The following CPED1 variants were observed in gnomAD, a reference collection of about 807,000 sequenced individuals.
The protein encoded by CPED1 is cadherin like and PC-esterase domain containing 1, also known as cadherin-like and PC-esterase domain-containing protein 1.
CPED1 carries 114 observed loss-of-function variants against 128.2 expected under a neutral mutation model. The observed-to-expected ratio is 0.89, with a 90% CI of 0.76 to 1.04. CPED1 has a LOEUF of 1.04. Among genes scored for constraint, CPED1 ranks in the 50% least tolerant of loss-of-function variants. CPED1 has a pLI of 0.00. For synonymous variants in CPED1, 462 were observed against 426.7 expected, an observed-to-expected ratio of 1.08 and a Z score of -1.02; for missense variants, 1,211 against 1,207.1, an observed-to-expected ratio of 1.00 and a Z score of -0.05.
chr7:121,196,169 T>C (rs2116546453), intron 16 of CPED1, among the ~76,000 whole-genome samples: 1 of 152,148 alleles, frequency 6.6e-6, no homozygotes, highest in Middle Eastern at 3.4e-3. Context: ...AATTTTGCTA[T>C]TGGCTGCTGG....
chr7:121,102,797 A>G (rs1563026570), intron 7 of CPED1, among the ~76,000 whole-genome samples: 1 of 150,844 alleles, frequency 6.6e-6, no homozygotes, highest in African/African-American at 2.4e-5. Context: ...GCCTCCAACA[A>G]CTCCCCTCCC....
At chr7:121,127,028 A>T in intron 9 of CPED1, 62 bp from the exon 10 acceptor site, 1 of 1,208,990 alleles carries the variant, frequency 8.3e-7, no homozygotes, top group Non-Finnish European at 1.1e-6. Flanking sequence ...TCTTAGAAGT[A>T]ATTCCATTGT....
In CPED1 at chr7:121,142,097, A is replaced by C; in HGVS notation, c.2011A>C (p.Ser671Arg). 2.5e-6 allele frequency: 4 copies of C among 1,612,372 alleles called. No individual in the cohort carries two copies. The highest frequency in any genetic ancestry group is 3.4e-6 in the Non-Finnish European group (4 of 1,178,812). ...CACCATCTATAGAGAAGACCGCCCA[A>C]GTCTGCCCTTGTTTGAGGCCTTCAC... ...KLTIYREDRP[S>R]LPLFEAFTAC... The change falls in exon 16 of 23, where the codon AGT (serine) becomes CGT (arginine). Residue 671 changes from serine to arginine, a missense_variant. Ser to Arg is a moderately radical substitution (Grantham distance 110). Coordinates refer to ENST00000310396, the MANE Select transcript of CPED1 (RefSeq NM_024913.5).
At chr7:121,090,056 C>T (rs1794536639) in intron 5 of CPED1, among the ~76,000 whole-genome samples, 1 of 152,162 alleles carries the variant, frequency 6.6e-6, no homozygotes, top group African/African-American at 2.4e-5. Flanking sequence ...ACTCAAGGTT[C>T]TTATGTGGTC....
At chr7:121,021,928 G>GAACTTGATA (rs1792451391) in intron 3 of CPED1, among the ~76,000 whole-genome samples, 1 of 151,942 alleles carries the variant, frequency 6.6e-6, no homozygotes, top group Admixed American at 6.6e-5. Context: ...TGGGTAAAAT[G>GAACTTGATA]AACTTGATAG....
chr7:121,009,910 C>T (rs1472307498), intron 2 of CPED1, among the ~76,000 whole-genome samples: 4 of 152,026 alleles, frequency 2.6e-5, no homozygotes, highest in African/African-American at 9.7e-5. Context: ...TTTTTTCCAC[C>T]TAATAGTTAA....
intron 3 of CPED1, among the ~76,000 whole-genome samples, chr7:121,038,564 G>A (rs568956024): frequency 6.6e-6 from 1 of 152,076 alleles, no homozygotes; most frequent in African/African-American, 2.4e-5. Flanking sequence ...TCATCATCTT[G>A]TTTCTTCTGG....
chr7:121,061,118 T>C (rs139245668), intron 4 of CPED1: 2,383 of 200,280 alleles, frequency 0.012, 59 homozygotes, highest in African/African-American at 0.054. Flanking sequence ...CTTTAAGAAC[T>C]GTAACACTCA....
chr7:121,155,677 C>G (rs191016456), intron 16 of CPED1, among the ~76,000 whole-genome samples: 2 of 152,100 alleles, frequency 1.3e-5, no homozygotes, highest in South Asian at 4.1e-4. Context: ...TAAAACTAGA[C>G]CCTTATTTCT....
At chr7:121,129,312 CGTATATATAT>C (rs1563037545) in intron 11 of CPED1, among the ~76,000 whole-genome samples, 6 of 13,650 alleles carry the variant, frequency 4.4e-4, no homozygotes, top group Non-Finnish European at 7.2e-4. Context: ...TATATATATA[CGTATATATAT>C]ATATATATAT....
intron 2 of CPED1, among the ~76,000 whole-genome samples, chr7:121,003,724 G>A (rs1160050279): frequency 1.3e-5 from 2 of 152,168 alleles, no homozygotes; most frequent in African/African-American, 4.8e-5. Flanking sequence ...CACCTCTCGA[G>A]GGAAAGCATG....
intron 5 of CPED1, among the ~76,000 whole-genome samples, chr7:121,078,020 C>A (rs191544947): frequency 1.8e-4 from 27 of 151,724 alleles, no homozygotes; most frequent in Admixed American, 1.6e-3. Context: ...TTACTTTTTA[C>A]TTCATACTAC....
At chr7:121,295,027 T>TTTA (rs1792794710) in intron 22 of CPED1, among the ~76,000 whole-genome samples, 1 of 151,920 alleles carries the variant, frequency 6.6e-6, no homozygotes, top group Non-Finnish European at 1.5e-5. Flanking sequence ...TATAGAAGAG[T>TTTA]GCCATGACAT....
chr7:121,172,870 G>A (rs1796686187), intron 16 of CPED1, among the ~76,000 whole-genome samples: 1 of 152,160 alleles, frequency 6.6e-6, no homozygotes, highest in African/African-American at 2.4e-5. Context: ...AGAAGGCTTA[G>A]AAGAATAAGA....
chr7:121,279,692 C>A (rs1264220890), intron 22 of CPED1, among the ~76,000 whole-genome samples: 1 of 152,114 alleles, frequency 6.6e-6, no homozygotes, highest in East Asian at 1.9e-4. Context: ...AATTGGTAGA[C>A]CCCTGAGTTC....
intron 5 of CPED1, chr7:121,076,546 C>T (rs1166249729): frequency 4.6e-5 from 7 of 152,104 alleles, no homozygotes; most frequent in African/African-American, 1.2e-4. Flanking sequence ...CAGGCTGACT[C>T]ATAGTTTTGT....
intron 5 of CPED1, among the ~76,000 whole-genome samples, chr7:121,074,632 C>A (rs1794078284): frequency 6.8e-6 from 1 of 147,856 alleles, no homozygotes; most frequent in Non-Finnish European, 1.5e-5. Flanking sequence ...TCTTAGTTGG[C>A]AGAAAATGCT....
chr7:121,219,868 T>C (rs1413745011), intron 16 of CPED1, among the ~76,000 whole-genome samples: 1 of 152,108 alleles, frequency 6.6e-6, no homozygotes, highest in African/African-American at 2.4e-5. Context: ...TTATCAATTT[T>C]TAAAGCCATA....
Position 121,267,278 on chromosome 7 carries a change from G to A in CPED1, c.2697G>A (p.Val899=). 6.3e-7 allele frequency: 1 copy of A among 1,593,340 alleles called. No individual in the cohort carries two copies. The highest frequency in any genetic ancestry group is 8.6e-7 in the Non-Finnish European group (1 of 1,165,910). The change falls in exon 21 of 23, where the codon GTG becomes GTA. Residue 899 remains valine (V), a synonymous_variant. Coordinates refer to ENST00000310396, the MANE Select transcript of CPED1 (RefSeq NM_024913.5). ...KTLGIGFHLP[V]DGVHFLTQSE... ...TGGGAATTGGATTTCATCTGCCAGT[G>A]GATGGAGTACATTTCTTAACACAGG...
Sources: allele counts gnomAD v4.1 joint callset (sites outside exome capture counted in the v4.1 genomes callset), GRCh38; gene constraint gnomAD v4.1.1; transcripts MANE v1.5; gene names NCBI Gene and HGNC (gene_info 2026-07-23, HGNC 2026-07-21).